PITPNC1: variants seen among roughly 807,000 people sequenced by gnomAD.
The protein encoded by PITPNC1 is phosphatidylinositol transfer protein cytoplasmic 1.
In PITPNC1, 18 loss-of-function variants were observed where a neutral mutation model predicts 44.7. The observed-to-expected ratio is 0.40, with a 90% CI of 0.28 to 0.60. The LOEUF (loss-of-function observed/expected upper bound fraction) is 0.60. PITPNC1 is among the 20% of genes least tolerant of loss of function. The pLI, the probability that PITPNC1 is intolerant of heterozygous loss-of-function variation, is 0.39. For missense variants in PITPNC1, 290 were observed against 418.4 expected (o/e 0.69, Z 2.68); for synonymous variants, 141 against 149.6 (o/e 0.94, Z 0.42).
chr17:67,564,989 T>C (rs2040955097), intron 4 of PITPNC1, among the ~76,000 whole-genome samples: 1 of 152,198 alleles, frequency 6.6e-6, no homozygotes, highest in Admixed American at 6.5e-5. Context: ...GCCATGTTTT[T>C]CAGTGGATAT....
chr17:67,660,518 T>TTTTTTTTA (rs1555578637), intron 6 of PITPNC1, among the ~76,000 whole-genome samples: 4 of 139,380 alleles, frequency 2.9e-5, no homozygotes, highest in Admixed American at 7.3e-5. Flanking sequence ...TTTTATTTTA[T>TTTTTTTTA]TTTATTTATT....
chr17:67,497,863 CTTT>C (rs372628446), intron 1 of PITPNC1, among the ~76,000 whole-genome samples: 1 of 131,714 alleles, frequency 7.6e-6, no homozygotes, highest in Non-Finnish European at 1.6e-5. Context: ...ATTTTTCTTT[CTTT>C]TTTTTTTTTT....
chr17:67,378,346 G>A, intron 1 of PITPNC1, 144 bp downstream of exon 1: 1 of 516,824 alleles, frequency 1.9e-6, no homozygotes. Flanking sequence ...AGAGGAGGGA[G>A]GGGATTTGCG....
chr17:67,410,851 G>A (rs939683856), intron 1 of PITPNC1, among the ~76,000 whole-genome samples: 1 of 151,832 alleles, frequency 6.6e-6, no homozygotes, highest in Admixed American at 6.6e-5. Flanking sequence ...TTGGGAGGCC[G>A]AGGCGGGTGG....
chr17:67,487,517 A>G (rs182428417), intron 1 of PITPNC1, among the ~76,000 whole-genome samples: 30 of 152,230 alleles, frequency 2.0e-4, no homozygotes, highest in African/African-American at 5.5e-4. Context: ...TTATTTTGCA[A>G]AATTTTACCT....
chr17:67,579,633 T>C (rs1439664670), intron 5 of PITPNC1, among the ~76,000 whole-genome samples: 1 of 146,912 alleles, frequency 6.8e-6, no homozygotes, highest in Non-Finnish European at 1.5e-5. Flanking sequence ...TTTTTTTTTT[T>C]TTTTTTTTTC....
intron 2 of PITPNC1, among the ~76,000 whole-genome samples, chr17:67,542,842 T>C (rs1460916747): frequency 6.6e-6 from 1 of 152,168 alleles, no homozygotes; most frequent in Non-Finnish European, 1.5e-5. Context: ...TCAAAGCCTG[T>C]GTAATCACAG....
At chr17:67,664,023 C>T (rs866224773) in intron 6 of PITPNC1, among the ~76,000 whole-genome samples, 1 of 152,046 alleles carries the variant, frequency 6.6e-6, no homozygotes, top group African/African-American at 2.4e-5. Context: ...AGTGCAGTGG[C>T]GTGATCTTGG....
intron 1 of PITPNC1, among the ~76,000 whole-genome samples, chr17:67,399,315 G>A (rs1445141169): frequency 6.6e-6 from 1 of 152,130 alleles, no homozygotes; most frequent in Non-Finnish European, 1.5e-5. Flanking sequence ...GCCTGTCAGA[G>A]GGTAAACTTT....
At position 67,647,467 on chromosome 17, in the gene PITPNC1, T is replaced by G. The variant is rs1240175468; in HGVS notation, c.462+15229T>G. ...CATCACACCCAGCTAATTTTGGGTTTTTTTTTTTTTTTTTTTTTTTTTTTT... is the reference window on the plus strand; with the variant it reads ...CATCACACCCAGCTAATTTTGGGTTGTTTTTTTTTTTTTTTTTTTTTTTTT... On this transcript the variant is annotated intron_variant, in intron 6 of 8. Transcript: ENST00000581322. Among the ~76,000 whole-genome samples the G allele has an allele frequency of 7.8e-5, 5 of 63,732 alleles. No homozygotes were observed. The South Asian group carries it at 2.1e-3, about 27-fold the overall frequency. The allele number at this position is 63,732 out of a possible 152,430, so 41.8% of individuals were successfully genotyped here. A position where few individuals can be genotyped will look rare whatever the true frequency, so the allele number is the denominator to read the frequency against.
At chr17:67,603,085 A>T (rs911990844) in intron 5 of PITPNC1, among the ~76,000 whole-genome samples, 1 of 152,074 alleles carries the variant, frequency 6.6e-6, no homozygotes, top group Non-Finnish European at 1.5e-5. Context: ...CATTTGATCA[A>T]TCTGAGCAGT....
Position 67,490,362 on chromosome 17 carries a change from G to T in PITPNC1, c.49-42440G>T, listed in dbSNP as rs556317955. 2.1e-3 allele frequency among the ~76,000 whole-genome samples: 317 copies of T among 150,454 alleles called. 3 individuals carry two copies. Among genetic ancestry groups the T allele is most frequent in the African/African-American group, 7.3e-3 (298 of 40,946 alleles). On this transcript the variant is annotated intron_variant, in intron 1 of 8. Transcript: ENST00000581322. ...TTGTTGGTTTTTTGTTTTTTGTTTT[G>T]TTTTTTTTTAAATCTTGGCTTTAAA...
At chr17:67,405,857 T>C (rs545976478) in intron 1 of PITPNC1, among the ~76,000 whole-genome samples, 1 of 152,310 alleles carries the variant, frequency 6.6e-6, no homozygotes, top group East Asian at 1.9e-4. Flanking sequence ...TCCTCCCGCC[T>C]TGGCCTCCCA....
chr17:67,478,668 C>G (rs1438465928), intron 1 of PITPNC1, among the ~76,000 whole-genome samples: 1 of 152,050 alleles, frequency 6.6e-6, no homozygotes, highest in African/African-American at 2.4e-5. Flanking sequence ...TGGTGAAATC[C>G]CTTGAAAGGA....
At chr17:67,425,706 T>C (rs2038754978) in intron 1 of PITPNC1, among the ~76,000 whole-genome samples, 1 of 151,554 alleles carries the variant, frequency 6.6e-6, no homozygotes, top group African/African-American at 2.4e-5. Flanking sequence ...AAAATTTTTT[T>C]TTTAAAGAGA....
chr17:67,462,137 G>C (rs1038337396), intron 1 of PITPNC1, among the ~76,000 whole-genome samples: 1 of 149,662 alleles, frequency 6.7e-6, no homozygotes, highest in African/African-American at 2.4e-5. Flanking sequence ...TGAACAGGAA[G>C]AGAGTTATGT....
At chr17:67,610,408 C>T (rs913046158) in intron 5 of PITPNC1, among the ~76,000 whole-genome samples, 6 of 152,214 alleles carry the variant, frequency 3.9e-5, no homozygotes, top group Non-Finnish European at 7.4e-5. Context: ...CCGAAAATTA[C>T]ATTGGAAATT....
intron 2 of PITPNC1, among the ~76,000 whole-genome samples, chr17:67,549,749 T>G (rs2040733322): frequency 6.6e-6 from 1 of 151,988 alleles, no homozygotes; most frequent in Non-Finnish European, 1.5e-5. Flanking sequence ...AGGGGTGCAA[T>G]GTAGATGGAA....
intron 1 of PITPNC1, among the ~76,000 whole-genome samples, chr17:67,517,130 G>A (rs2040269545): frequency 6.6e-6 from 1 of 152,242 alleles, no homozygotes; most frequent in South Asian, 2.1e-4. Context: ...ATGCCATGTG[G>A]CTGGAGAGCT....
Sources: gnomAD v4.1 joint callset for allele counts (sites outside exome capture counted in the v4.1 genomes callset) on GRCh38, gnomAD v4.1.1 for gene constraint, MANE v1.5 for transcripts, NCBI Gene and HGNC (gene_info 2026-07-23, HGNC 2026-07-21) for gene names.